The following ERI1 variants were observed in gnomAD, a reference collection of about 807,000 sequenced individuals.
The protein encoded by ERI1 is exoribonuclease 1, also known as 3'-5' exoribonuclease 1.
In ERI1, 39 loss-of-function variants were observed where a neutral mutation model predicts 39.7. The observed-to-expected ratio is 0.98, with a 90% CI of 0.76 to 1.28. The LOEUF is 1.28. Ranked by LOEUF, ERI1 falls within the 50% of genes most tolerant of loss-of-function variation. The pLI is 0.00. For missense variants in ERI1, 581 were observed against 416.9 expected, an observed-to-expected ratio of 1.39 and a Z score of -3.43; for synonymous variants, 204 against 149.6, an observed-to-expected ratio of 1.36 and a Z score of -2.65.
chr8:9,004,878 G>A (rs1459227564), intron 1 of ERI1, among the ~76,000 whole-genome samples: 1 of 151,880 alleles, frequency 6.6e-6, no homozygotes, highest in Non-Finnish European at 1.5e-5. Context: ...AGTAGAGATG[G>A]GGTTTCACCA....
Position 9,086,123 on chromosome 8 carries a change from G to A in ERI1, n.300-30225G>A, listed in dbSNP as rs77365909. Among the ~76,000 whole-genome samples the A allele has an allele frequency of 3.9e-3, 599 of 152,262 alleles. 5 individuals carry two copies. The highest frequency in any genetic ancestry group is 0.013 in the African/African-American group (561 of 41,556). ...ATTTACCATGAATGCTAAAAAAACA[G>A]GGATAGCGGGCCAGGTGTGGTGGCT... On this transcript the variant is annotated intron_variant and non_coding_transcript_variant, in intron 3 of 3. Coordinates refer to the ERI1 transcript ENST00000518663.
At position 9,031,458 on chromosome 8, in the gene ERI1, A is replaced by C. The variant is rs1030117632; in HGVS notation, c.*1424A>C. ...GATGAACTGTTACAGATTATAGTAA[A>C]ATAAGGAAATCTAAGTGCTTTAAGT... On this transcript the variant is annotated 3_prime_UTR_variant, in exon 7 of 7. Coordinates refer to ENST00000250263, the MANE Select transcript of ERI1 (RefSeq NM_153332.4). 2 of 152,178 alleles carry C rather than the reference A, an allele frequency of 1.3e-5. No homozygotes were observed. Among genetic ancestry groups the C allele is most frequent in the Non-Finnish European group, 2.9e-5 (2 of 68,024 alleles). 9.4% of individuals were successfully genotyped at this position (152,178 alleles called of 1,614,324 possible). A position where few individuals can be genotyped will look rare whatever the true frequency, so the allele number is the denominator to read the frequency against.
chr8:9,030,174 A>C lies in ERI1; in HGVS notation c.*140A>C. 1 of 1,140,258 alleles carries C rather than the reference A, an allele frequency of 8.8e-7. No homozygotes were observed. The highest frequency in any genetic ancestry group is 1.2e-6 in the Non-Finnish European group (1 of 822,886). The allele number at this position is 1,140,258 out of a possible 1,614,324, so 70.6% of individuals were successfully genotyped here. On this transcript the variant is annotated 3_prime_UTR_variant, in exon 7 of 7. Transcript: ENST00000250263. Reference sequence around the variant, plus strand: ...CTTATTACAGGTGATAGAGATAGATACATGTATGTGAACAGATTTTGTAGG... The same window carrying C: ...CTTATTACAGGTGATAGAGATAGATCCATGTATGTGAACAGATTTTGTAGG...
chr8:9,084,241 G>A (rs1197607860), intron 3 of ERI1, among the ~76,000 whole-genome samples: 2 of 152,062 alleles, frequency 1.3e-5, no homozygotes, highest in African/African-American at 4.8e-5. Flanking sequence ...TTCCAGCCTG[G>A]GAAACAGTGA....
intron 3 of ERI1, among the ~76,000 whole-genome samples, chr8:9,078,570 G>T (rs1378569062): frequency 6.6e-6 from 1 of 152,128 alleles, no homozygotes. Flanking sequence ...ATATGACAGA[G>T]ATTTTCAAAT....
intron 3 of ERI1, among the ~76,000 whole-genome samples, chr8:9,079,710 G>A (rs1563093024): frequency 6.6e-6 from 1 of 152,136 alleles, no homozygotes; most frequent in East Asian, 1.9e-4. Flanking sequence ...GGGTCTCACT[G>A]TCATCCAGGC....
At chr8:9,038,473 T>G (rs1476792964) in intron 3 of ERI1, among the ~76,000 whole-genome samples, 1 of 152,222 alleles carries the variant, frequency 6.6e-6, no homozygotes, top group East Asian at 1.9e-4. Context: ...TTTAAAATTA[T>G]ATATGGCTGA....
intron 3 of ERI1, among the ~76,000 whole-genome samples, chr8:9,089,775 A>G (rs1397882476): frequency 1.3e-5 from 2 of 152,304 alleles, no homozygotes; most frequent in African/African-American, 4.8e-5. Flanking sequence ...CCATTAGGAA[A>G]AACAGAGGGA....
chr8:9,043,780 T>G (rs1455356416), intron 3 of ERI1, among the ~76,000 whole-genome samples: 1 of 152,214 alleles, frequency 6.6e-6, no homozygotes, highest in Non-Finnish European at 1.5e-5. Context: ...CTTGAACTCC[T>G]GTGCTCAAGC....
downstream of ERI1, among the ~76,000 whole-genome samples, chr8:9,034,343 A>G (rs1489866618): frequency 6.6e-6 from 1 of 152,218 alleles, no homozygotes; most frequent in African/African-American, 2.4e-5. Context: ...TGCTTCGCAG[A>G]TACTATTTTG....
At chr8:9,069,289 T>G (rs1434908962) in intron 3 of ERI1, among the ~76,000 whole-genome samples, 1 of 152,258 alleles carries the variant, frequency 6.6e-6, no homozygotes, top group African/African-American at 2.4e-5. Context: ...TGATAGTTTT[T>G]AAAATCCTTG....
At chr8:9,041,450 T>C (rs1563351031) in intron 3 of ERI1, among the ~76,000 whole-genome samples, 1 of 152,134 alleles carries the variant, frequency 6.6e-6, no homozygotes, top group Non-Finnish European at 1.5e-5. Context: ...AAAACAAGTC[T>C]CAAGAGCTTT....
intron 3 of ERI1, among the ~76,000 whole-genome samples, chr8:9,052,762 T>C (rs182370275): frequency 6.6e-6 from 1 of 152,232 alleles, no homozygotes; most frequent in African/African-American, 2.4e-5. Flanking sequence ...TCAAAGACCC[T>C]TGGAAATTTC....
chr8:9,076,157 T>C (rs1799205886), intron 3 of ERI1, among the ~76,000 whole-genome samples: 1 of 152,190 alleles, frequency 6.6e-6, no homozygotes, highest in African/African-American at 2.4e-5. Flanking sequence ...TTGCCCAAGC[T>C]GGTCTCAAAC....
intron 3 of ERI1, among the ~76,000 whole-genome samples, chr8:9,056,856 CAA>C (rs779284675): frequency 1.5e-4 from 23 of 152,292 alleles, no homozygotes; most frequent in Non-Finnish European, 2.9e-4. Flanking sequence ...TTTTTTGAGA[CAA>C]AGTCTTGCTC....
chr8:9,013,449 C>T (rs187388879), intron 3 of ERI1, among the ~76,000 whole-genome samples: 1 of 151,974 alleles, frequency 6.6e-6, no homozygotes, highest in African/African-American at 2.4e-5. Flanking sequence ...TCCCCACTTG[C>T]AGTTTTCTTT....
intron 3 of ERI1, among the ~76,000 whole-genome samples, chr8:9,096,157 A>G (rs1432241580): frequency 2.0e-5 from 3 of 152,246 alleles, no homozygotes; most frequent in Non-Finnish European, 4.4e-5. Flanking sequence ...CATTCAGTGC[A>G]GAGCAAACAC....
rs151006489 is a variant in ERI1, at chr8:9,019,510, G to A, written c.693-840G>A. Reference sequence around the variant, plus strand: ...AGTTCTGGTAAAGTCTCATTTTGTGGGACAGATCACTCAAAACCTATGCAA... The same window carrying A: ...AGTTCTGGTAAAGTCTCATTTTGTGAGACAGATCACTCAAAACCTATGCAA... On this transcript the variant is annotated intron_variant, in intron 5 of 6. Transcript: ENST00000250263. 7.4e-3 allele frequency among the ~76,000 whole-genome samples: 1,120 copies of A among 152,106 alleles called. 15 individuals are homozygous for A. Among genetic ancestry groups the A allele is most frequent in the African/African-American group, 0.026 (1,076 of 41,510 alleles).
chr8:9,068,556 A>G (rs191412829), intron 3 of ERI1, among the ~76,000 whole-genome samples: 1 of 152,212 alleles, frequency 6.6e-6, no homozygotes, highest in Non-Finnish European at 1.5e-5. Flanking sequence ...GCACTGGCCA[A>G]TTGCCATAGG....
Sources: allele counts gnomAD v4.1 joint callset (sites outside exome capture counted in the v4.1 genomes callset), GRCh38; gene constraint gnomAD v4.1.1; transcripts MANE v1.5; gene names NCBI Gene and HGNC (gene_info 2026-07-23, HGNC 2026-07-21).